CTNNA3: variants seen among roughly 807,000 people sequenced by gnomAD.
CTNNA3 encodes the protein catenin alpha-3.
In CTNNA3, 76 loss-of-function variants were observed where a neutral mutation model predicts 95.7. That is an observed-to-expected ratio of 0.79 (90% CI 0.66 to 0.96). The LOEUF is 0.96. CTNNA3 is among the 40% of genes least tolerant of loss of function. The pLI is 0.00. For synonymous variants in CTNNA3, 431 were observed against 374.4 expected (o/e 1.15, Z -1.74); for missense variants, 1,191 against 1,089.8 (o/e 1.09, Z -1.31).
intron 15 of CTNNA3, among the ~76,000 whole-genome samples, chr10:66,012,336 A>G (rs1014003324): frequency 5.9e-5 from 9 of 152,294 alleles, no homozygotes; most frequent in South Asian, 2.1e-4. Flanking sequence ...GGAAAGAATA[A>G]TGTCTGAATC....
At chr10:66,864,269 C>G (rs539311940) in intron 7 of CTNNA3, among the ~76,000 whole-genome samples, 1 of 152,052 alleles carries the variant, frequency 6.6e-6, no homozygotes, top group Non-Finnish European at 1.5e-5. Context: ...ATGTTGTTAT[C>G]ACAGGAGTTG....
intron 7 of CTNNA3, among the ~76,000 whole-genome samples, chr10:67,060,910 T>C (rs532453710): frequency 2.6e-5 from 4 of 152,324 alleles, no homozygotes; most frequent in East Asian, 3.9e-4. Flanking sequence ...CAGTGCAGCA[T>C]AGACTAGCCT....
intron 12 of CTNNA3, among the ~76,000 whole-genome samples, chr10:66,340,874 T>C (rs2092447672): frequency 6.6e-6 from 1 of 151,826 alleles, no homozygotes. Flanking sequence ...TGAACTCAGA[T>C]CTGCAGACTC....
intron 12 of CTNNA3, among the ~76,000 whole-genome samples, chr10:66,285,273 A>T (rs1228407126): frequency 6.6e-6 from 1 of 151,880 alleles, no homozygotes; most frequent in African/African-American, 2.4e-5. Flanking sequence ...CTGATACATT[A>T]TGTTTTCCCC....
intron 14 of CTNNA3, among the ~76,000 whole-genome samples, chr10:66,076,707 A>C (rs566477119): frequency 6.6e-6 from 1 of 151,798 alleles, no homozygotes; most frequent in Non-Finnish European, 1.5e-5. Flanking sequence ...TATTTGACTG[A>C]TTATCTATGT....
At chr10:67,672,204 TTG>T (rs1330478486) in intron 1 of CTNNA3, among the ~76,000 whole-genome samples, 1 of 152,082 alleles carries the variant, frequency 6.6e-6, no homozygotes, top group African/African-American at 2.4e-5. Context: ...TTTGGTGGGG[TTG>T]TTTGTTTTTT....
At chr10:66,594,140 G>T (rs567210016) in intron 10 of CTNNA3, among the ~76,000 whole-genome samples, 2 of 152,124 alleles carry the variant, frequency 1.3e-5, no homozygotes, top group East Asian at 3.9e-4. Context: ...TCCCAGCTCA[G>T]TAAATGGCAA....
chr10:67,265,826 A>T (rs1273652553), intron 5 of CTNNA3, among the ~76,000 whole-genome samples: 1 of 152,152 alleles, frequency 6.6e-6, no homozygotes, highest in Non-Finnish European at 1.5e-5. Flanking sequence ...GGAATCAAAG[A>T]TTACTTCCTT....
intron 5 of CTNNA3, among the ~76,000 whole-genome samples, chr10:67,281,662 TA>T (rs1839406637): frequency 6.6e-6 from 1 of 152,186 alleles, no homozygotes; most frequent in Admixed American, 6.5e-5. Flanking sequence ...TTCAATTTCA[TA>T]GATTGTTACT....
intron 5 of CTNNA3, among the ~76,000 whole-genome samples, chr10:67,342,789 A>T (rs1418713964): frequency 6.6e-6 from 1 of 152,100 alleles, no homozygotes; most frequent in East Asian, 1.9e-4. Context: ...ATTCTGTTCC[A>T]TTGGCCTGTG....
chr10:67,204,509 A>G (rs1863803377), intron 6 of CTNNA3, among the ~76,000 whole-genome samples: 1 of 152,156 alleles, frequency 6.6e-6, no homozygotes, highest in Non-Finnish European at 1.5e-5. Context: ...CTGTAAGCCA[A>G]TTAAACCTGT....
chr10:66,915,138 A>T (rs1160794074), intron 7 of CTNNA3, among the ~76,000 whole-genome samples: 1 of 151,890 alleles, frequency 6.6e-6, no homozygotes, highest in Non-Finnish European at 1.5e-5. Context: ...TTTGTATAGA[A>T]CTGAAGGACA....
chr10:67,324,370 G>A (rs763127105), intron 5 of CTNNA3, among the ~76,000 whole-genome samples: 3 of 152,174 alleles, frequency 2.0e-5, no homozygotes, highest in African/African-American at 4.8e-5. Context: ...TTGACTGAAT[G>A]AGTTTGTCAT....
chr10:66,043,134 G>GAAAAAA (rs60278132), intron 15 of CTNNA3, among the ~76,000 whole-genome samples: 2 of 102,934 alleles, frequency 1.9e-5, no homozygotes, highest in African/African-American at 3.8e-5. Context: ...TCCGGGTAAT[G>GAAAAAA]AAAAAAAAAA....
At chr10:67,250,013 G>A (rs768412089) in intron 5 of CTNNA3, among the ~76,000 whole-genome samples, 2 of 152,180 alleles carry the variant, frequency 1.3e-5, no homozygotes, top group Non-Finnish European at 2.9e-5. Flanking sequence ...TTAATACAGT[G>A]TAAATGCCAT....
intron 7 of CTNNA3, among the ~76,000 whole-genome samples, chr10:66,930,383 T>C (rs1450534029): frequency 2.0e-5 from 3 of 152,336 alleles, no homozygotes; most frequent in South Asian, 2.1e-4. Flanking sequence ...ACTGAGCTTA[T>C]TGTGATTTTT....
At chr10:66,889,322 C>T (rs1845167781) in intron 7 of CTNNA3, among the ~76,000 whole-genome samples, 2 of 152,104 alleles carry the variant, frequency 1.3e-5, no homozygotes, top group Non-Finnish European at 2.9e-5. Context: ...GTAAATTTGT[C>T]CAAACCCACA....
intron 5 of CTNNA3, among the ~76,000 whole-genome samples, chr10:67,222,063 T>TA (rs1864686961): frequency 6.6e-6 from 1 of 152,172 alleles, no homozygotes; most frequent in Admixed American, 6.5e-5. Context: ...ATTGCTAACC[T>TA]TATGCCTTTT....
chr10:67,750,288 C>A, intron 1 of CTNNA3: 1 of 1,520,870 alleles, frequency 6.6e-7, no homozygotes, highest in Non-Finnish European at 9.1e-7. Flanking sequence ...CCAACCATGG[C>A]CATCTTTGTG....
Sources: allele counts gnomAD v4.1 joint callset (sites outside exome capture counted in the v4.1 genomes callset), GRCh38; gene constraint gnomAD v4.1.1; transcripts MANE v1.5; gene names NCBI Gene and HGNC (gene_info 2026-07-23, HGNC 2026-07-21).